Variants in UFM1 observed in about 807,000 individuals in gnomAD.
UFM1 encodes ubiquitin-fold modifier 1.
In UFM1, 9 loss-of-function variants were observed where a neutral mutation model predicts 15.4. The ratio of observed to expected loss-of-function variants is 0.59; its 90% CI spans 0.35 to 1.02. The LOEUF (loss-of-function observed/expected upper bound fraction) is 1.02. Among genes scored for constraint, UFM1 ranks in the 50% least tolerant of loss-of-function variants. UFM1 has a pLI of 0.02. For missense variants in UFM1, 98 were observed against 104.7 expected, an observed-to-expected ratio of 0.94 and a Z score of 0.28; for synonymous variants, 27 against 36.3, an observed-to-expected ratio of 0.74 and a Z score of 0.92.
At chr13:38,357,213 T>G (rs1010061547) in intron 3 of UFM1, among the ~76,000 whole-genome samples, 1 of 151,972 alleles carries the variant, frequency 6.6e-6, no homozygotes, top group African/African-American at 2.4e-5. Context: ...AATACAAGCC[T>G]TGGTTGTTAC....
intron 3 of UFM1, among the ~76,000 whole-genome samples, chr13:38,356,701 CAAAAAA>C (rs35105286): frequency 1.9e-5 from 2 of 107,934 alleles, no homozygotes; most frequent in East Asian, 5.3e-4. Context: ...TTAGTACCAC[CAAAAAA>C]AAAAAAAAAA....
chr13:38,356,859 T>G (rs1879123540), intron 3 of UFM1, among the ~76,000 whole-genome samples: 1 of 151,910 alleles, frequency 6.6e-6, no homozygotes, highest in Non-Finnish European at 1.5e-5. Context: ...CTATAATATC[T>G]ATAAAGTTAG....
chr13:38,358,450 G>A (rs185852292), intron 4 of UFM1, among the ~76,000 whole-genome samples: 19 of 151,252 alleles, frequency 1.3e-4, no homozygotes, highest in Admixed American at 5.3e-4. Context: ...AAATGCTTTA[G>A]AATATAGAAA....
chr13:38,352,264 A>G (rs1878895831), intron 2 of UFM1, among the ~76,000 whole-genome samples: 1 of 151,674 alleles, frequency 6.6e-6, no homozygotes, highest in African/African-American at 2.4e-5. Flanking sequence ...TGCCCAGCTA[A>G]TTTTTTGTAT....
chr13:38,350,173 C>T, intron 2 of UFM1, 118 bp downstream of exon 2: 4 of 1,614,006 alleles, frequency 2.5e-6, no homozygotes, highest in Non-Finnish European at 1.7e-6. Context: ...ACTTCATCTA[C>T]TTTCCTGGCT....
intron 2 of UFM1, among the ~76,000 whole-genome samples, chr13:38,351,272 T>C (rs1055876809): frequency 2.0e-5 from 3 of 152,226 alleles, no homozygotes; most frequent in African/African-American, 7.2e-5. Flanking sequence ...CATAGCTGAC[T>C]GCCCCTGGAG....
At chr13:38,350,144 A>G in intron 2 of UFM1, 89 bp downstream of exon 2, 1 of 1,613,920 alleles carries the variant, frequency 6.2e-7, no homozygotes, top group South Asian at 1.1e-5. Flanking sequence ...CAACTACCCC[A>G]CGCAGTCTTC....
chr13:38,354,174 G>C, intron 2 of UFM1, 65 bp from the exon 3 acceptor site: 1 of 1,530,592 alleles, frequency 6.5e-7, no homozygotes, highest in Non-Finnish European at 9.0e-7. Flanking sequence ...TGGAAATAAG[G>C]AACAAAGGGG....
chr13:38,357,535 A>G (rs1312447339), intron 3 of UFM1, among the ~76,000 whole-genome samples: 1 of 151,154 alleles, frequency 6.6e-6, no homozygotes, highest in African/African-American at 2.4e-5. Context: ...CAGATAAAGC[A>G]TATGATATAG....
At chr13:38,352,664 C>T (rs1566030679) in intron 2 of UFM1, among the ~76,000 whole-genome samples, 1 of 152,158 alleles carries the variant, frequency 6.6e-6, no homozygotes, top group Non-Finnish European at 1.5e-5. Flanking sequence ...CTGTAACTCT[C>T]ATTTTTTCTA....
At chr13:38,360,119 A>G in intron 5 of UFM1, 1 of 325,844 alleles carries the variant, frequency 3.1e-6, no homozygotes, top group South Asian at 2.6e-5. Flanking sequence ...GTAGTTGTTA[A>G]TATATAATTT....
chr13:38,350,953 A>G (rs1056787147), intron 2 of UFM1, among the ~76,000 whole-genome samples: 1 of 152,160 alleles, frequency 6.6e-6, no homozygotes, highest in Non-Finnish European at 1.5e-5. Context: ...TTAAGATTCC[A>G]ATAATTGCTC....
At chr13:38,350,102 G>A in intron 2 of UFM1, 47 bp downstream of exon 2, 1 of 1,614,230 alleles carries the variant, frequency 6.2e-7, no homozygotes, top group South Asian at 1.1e-5. Context: ...GACAAGACGG[G>A]GCTGGGTTGG....
rs1879334292 is a variant in UFM1, at chr13:38,360,716, G to GT, written c.201dup (p.Leu68SerfsTer12). 1 of 1,603,378 alleles carries GT rather than the reference G, an allele frequency of 6.2e-7. No homozygotes were observed. The highest frequency in any genetic ancestry group is 2.2e-5 in the East Asian group (1 of 44,544). ...TGTTTTGTTTGTTTGTATAGGAAAT[G>GT]TTTTTCTAAAACATGGTTCAGAACT... On this transcript the variant is annotated frameshift_variant, in exon 6 of 6. Coordinates refer to ENST00000239878, the MANE Select transcript of UFM1 (RefSeq NM_016617.4). LOFTEE classifies it high-confidence loss of function.
rs761221468 is a variant in UFM1 at position 38,358,095 on chromosome 13, T to C, written c.120T>C (p.Phe40=). The change falls in exon 4 of 6, where the codon TTT becomes TTC. Residue 40 remains phenylalanine, a splice_region_variant and synonymous_variant. Transcript: ENST00000239878. The part of the protein sequence containing the change: ...TAVLKFAAEE[F]KVPAATSAII... The stretch of plus-strand genomic sequence containing the variant: ...TATTTTTTTTTCCTTCTATTTAGTT[T>C]AAAGTTCCTGCTGCAACAAGTGCAA... 1 of 1,429,016 alleles carries C rather than the reference T, an allele frequency of 7.0e-7. No individual in the cohort carries two copies. The highest frequency in any genetic ancestry group is 9.4e-7 in the Non-Finnish European group (1 of 1,066,550). 88.5% of individuals were successfully genotyped at this position (1,429,016 alleles called of 1,614,324 possible). A position where few individuals can be genotyped will look rare whatever the true frequency, so the allele number is the denominator to read the frequency against.
In UFM1 at chr13:38,360,935, C is replaced by G. The variant is rs879427031; in HGVS notation, c.*157C>G. 3 of 564,916 alleles carry G rather than the reference C, an allele frequency of 5.3e-6. No individual in the cohort carries two copies. The highest frequency in any genetic ancestry group is 9.4e-6 in the Non-Finnish European group (3 of 320,810). 35.0% of individuals were successfully genotyped at this position (564,916 alleles called of 1,614,324 possible). ...TCTGTCCCTTTTTGTTGTCCATACT[C>G]TTCCTATGAAGAGGGAATGCGTATG... On this transcript the variant is annotated 3_prime_UTR_variant, in exon 6 of 6. Transcript: ENST00000239878.
At chr13:38,353,344 C>T (rs1161535756) in intron 2 of UFM1, among the ~76,000 whole-genome samples, 1 of 152,066 alleles carries the variant, frequency 6.6e-6, no homozygotes, top group Non-Finnish European at 1.5e-5. Context: ...TTGTAAGTCT[C>T]CTCTGCTTTG....
rs1178498352 is a variant in UFM1, at chr13:38,363,147, C to T, written c.*2369C>T. 6.6e-6 allele frequency: 1 copy of T among 152,180 alleles called. No individual in the cohort carries two copies. The highest frequency in any genetic ancestry group is 1.9e-4 in the East Asian group (1 of 5,196). 9.4% of individuals were successfully genotyped at this position (152,180 alleles called of 1,614,324 possible). On this transcript the variant is annotated 3_prime_UTR_variant, in exon 6 of 6. Coordinates refer to ENST00000239878, the MANE Select transcript of UFM1 (RefSeq NM_016617.4). ...TTAGTTTATAGTCATCTGCCACAGA[C>T]ATAGTAGTGATGTTTCGTCCAACAA...
Position 38,358,106 on chromosome 13 carries a change from C to A in UFM1, c.131C>A (p.Ala44Asp). 1.4e-6 allele frequency: 2 copies of A among 1,422,086 alleles called. No individual in the cohort carries two copies. The highest frequency in any genetic ancestry group is 9.4e-7 in the Non-Finnish European group (1 of 1,065,248). The allele number at this position is 1,422,086 out of a possible 1,614,324, so 88.1% of individuals were successfully genotyped here. A position where few individuals can be genotyped will look rare whatever the true frequency, so the allele number is the denominator to read the frequency against. ...KFAAEEFKVPAATSAIITNDG... is the reference protein window; with the variant it reads ...KFAAEEFKVPDATSAIITNDG... ...CCTTCTATTTAGTTTAAAGTTCCTG[C>A]TGCAACAAGTGCAATTATTACCAAT... The change falls in exon 4 of 6, where the codon GCT (alanine) becomes GAT (aspartate). Residue 44 changes from alanine (A) to aspartate (D), a missense_variant. Transcript: ENST00000239878.
Sources: gnomAD v4.1 joint callset for allele counts (sites outside exome capture counted in the v4.1 genomes callset) on GRCh38, gnomAD v4.1.1 for gene constraint, MANE v1.5 for transcripts, NCBI Gene and HGNC (gene_info 2026-07-23, HGNC 2026-07-21) for gene names.